The following GRIK4 variants were observed in gnomAD, a reference collection of about 807,000 sequenced individuals.
GRIK4 encodes the protein glutamate receptor ionotropic, kainate 4.
Under a neutral mutation model 104.9 loss-of-function variants are expected in GRIK4, and 40 were observed. That is an observed-to-expected ratio of 0.38 (90% CI 0.30 to 0.50). GRIK4 has a LOEUF of 0.50. GRIK4 is among the 20% of genes least tolerant of loss of function. GRIK4 has a pLI of 0.93. For synonymous variants in GRIK4, 485 were observed against 524.9 expected, an observed-to-expected ratio of 0.92 and a Z score of 1.04; for missense variants, 1,047 against 1,308.1, an observed-to-expected ratio of 0.80 and a Z score of 3.08.
intron 3 of GRIK4, among the ~76,000 whole-genome samples, chr11:120,786,852 G>T (rs960068673): frequency 1.3e-5 from 2 of 152,138 alleles, no homozygotes; most frequent in East Asian, 3.8e-4. Context: ...TGTCAGCATC[G>T]GTTAGACCTG....
intron 3 of GRIK4, among the ~76,000 whole-genome samples, chr11:120,684,932 C>T (rs1324418845): frequency 1.3e-5 from 2 of 152,132 alleles, no homozygotes; most frequent in Non-Finnish European, 2.9e-5. Context: ...CTCCTGACCT[C>T]GTGATCCGCC....
chr11:120,856,056 C>T (rs979036514), intron 8 of GRIK4, among the ~76,000 whole-genome samples: 3 of 152,212 alleles, frequency 2.0e-5, no homozygotes, highest in Admixed American at 6.5e-5. Context: ...GTGACACCGG[C>T]AGCACGGAGG....
chr11:120,874,036 TC>T, intron 9 of GRIK4, 29 bp from the exon 10 acceptor site: 2 of 1,581,956 alleles, frequency 1.3e-6, no homozygotes, highest in Non-Finnish European at 1.7e-6. Flanking sequence ...TCTCACTCCC[TC>T]CCTCCGCCTG....
At chr11:120,688,845 G>A (rs1855770117) in intron 3 of GRIK4, among the ~76,000 whole-genome samples, 1 of 152,178 alleles carries the variant, frequency 6.6e-6, no homozygotes, top group African/African-American at 2.4e-5. Flanking sequence ...TGCCAGAATG[G>A]AGTGTGCTTA....
intron 1 of GRIK4, among the ~76,000 whole-genome samples, chr11:120,528,426 A>G (rs1947885689): frequency 6.6e-6 from 1 of 152,136 alleles, no homozygotes; most frequent in East Asian, 1.9e-4. Context: ...ATTTTTTTAT[A>G]TTAAGTCTGT....
chr11:120,826,460 C>G (rs1225105979), intron 6 of GRIK4, among the ~76,000 whole-genome samples: 1 of 152,194 alleles, frequency 6.6e-6, no homozygotes, highest in Non-Finnish European at 1.5e-5. Context: ...ATATCCACCT[C>G]CCAGGGCAGT....
intron 3 of GRIK4, among the ~76,000 whole-genome samples, chr11:120,690,281 G>A (rs766650388): frequency 6.6e-6 from 1 of 152,198 alleles, no homozygotes; most frequent in Non-Finnish European, 1.5e-5. Flanking sequence ...ATGGTAAGAT[G>A]TTTGTGGGTA....
At chr11:120,763,376 G>A (rs1565338404) in intron 3 of GRIK4, among the ~76,000 whole-genome samples, 2 of 151,770 alleles carry the variant, frequency 1.3e-5, no homozygotes, top group Admixed American at 6.6e-5. Context: ...TATTTTGTTA[G>A]TCTTTTCAAA....
chr11:120,937,634 A>T (rs1473040848), intron 13 of GRIK4, among the ~76,000 whole-genome samples: 1 of 152,208 alleles, frequency 6.6e-6, no homozygotes, highest in Non-Finnish European at 1.5e-5. Flanking sequence ...CAATGTGTGC[A>T]TGAAGCCGGT....
chr11:120,976,716 T>G (rs1483814716), intron 19 of GRIK4, among the ~76,000 whole-genome samples: 6 of 152,230 alleles, frequency 3.9e-5, no homozygotes, highest in African/African-American at 1.4e-4. Context: ...GCAAATACAT[T>G]GTCTCTTGCT....
At chr11:120,633,912 C>T (rs781611702) in intron 1 of GRIK4, among the ~76,000 whole-genome samples, 1 of 152,120 alleles carries the variant, frequency 6.6e-6, no homozygotes, top group Non-Finnish European at 1.5e-5. Flanking sequence ...TGAGCTGATG[C>T]AAACTGAAGA....
At chr11:120,830,853 A>C in intron 6 of GRIK4, among the ~76,000 whole-genome samples, 1 of 151,006 alleles carries the variant, frequency 6.6e-6, no homozygotes, top group Admixed American at 6.6e-5. Context: ...TGCCTCCTGC[A>C]CCCCCACATC....
chr11:120,820,326 G>A (rs1228875351), intron 6 of GRIK4, among the ~76,000 whole-genome samples: 1 of 152,168 alleles, frequency 6.6e-6, no homozygotes, highest in Non-Finnish European at 1.5e-5. Flanking sequence ...AAAAGAGAGA[G>A]AGGGAACATA....
At chr11:120,682,277 G>A (rs1022646509) in intron 3 of GRIK4, among the ~76,000 whole-genome samples, 11 of 152,182 alleles carry the variant, frequency 7.2e-5, no homozygotes, top group South Asian at 4.1e-4. Context: ...GACGGGTGGC[G>A]GGAGGGCTTC....
At chr11:120,535,658 C>T (rs7941256) in intron 1 of GRIK4, among the ~76,000 whole-genome samples, 2,999 of 152,224 alleles carry the variant, frequency 0.02, 108 homozygotes, top group African/African-American at 0.068. Context: ...AGGACTGTAG[C>T]GAGGATTAAA....
At chr11:120,857,841 TC>T (rs894305346) in intron 8 of GRIK4, among the ~76,000 whole-genome samples, 1 of 152,178 alleles carries the variant, frequency 6.6e-6, no homozygotes, top group African/African-American at 2.4e-5. Flanking sequence ...TATCTTTGCT[TC>T]CTGGAAACAC....
chr11:120,907,024 T>C (rs1942883159), intron 13 of GRIK4, among the ~76,000 whole-genome samples: 1 of 152,208 alleles, frequency 6.6e-6, no homozygotes, highest in Non-Finnish European at 1.5e-5. Context: ...CAGAAAGCCC[T>C]CTGCAGTCCT....
chr11:120,773,616 C>T (rs1461064860), intron 3 of GRIK4, among the ~76,000 whole-genome samples: 1 of 152,098 alleles, frequency 6.6e-6, no homozygotes, highest in Non-Finnish European at 1.5e-5. Context: ...GGAGGCAAAA[C>T]CTTGGAACTG....
chr11:120,834,303 C>A (rs1441825337), intron 7 of GRIK4, among the ~76,000 whole-genome samples: 1 of 104,988 alleles, frequency 9.5e-6, no homozygotes, highest in Non-Finnish European at 2.2e-5. Context: ...TGTGTGTGGC[C>A]ATGCTTTTGA....
Sources: gnomAD v4.1 joint callset for allele counts (sites outside exome capture counted in the v4.1 genomes callset) on GRCh38, gnomAD v4.1.1 for gene constraint, MANE v1.5 for transcripts, NCBI Gene and HGNC (gene_info 2026-07-23, HGNC 2026-07-21) for gene names.